The following MAPKAP1 variants were observed in gnomAD, a reference collection of about 807,000 sequenced individuals.
MAPKAP1 encodes the protein target of rapamycin complex 2 subunit MAPKAP1.
Under a neutral mutation model 65.7 loss-of-function variants are expected in MAPKAP1, and 20 were observed. The ratio of observed to expected loss-of-function variants is 0.30; its 90% CI spans 0.21 to 0.44. The LOEUF (loss-of-function observed/expected upper bound fraction) is 0.44. Among genes scored for constraint, MAPKAP1 ranks in the 20% least tolerant of loss-of-function variants. The pLI, the probability that MAPKAP1 is intolerant of heterozygous loss-of-function variation, is 1.00. For synonymous variants in MAPKAP1, 222 were observed against 244.3 expected (o/e 0.91, Z 0.85); for missense variants, 423 against 648.0 (o/e 0.65, Z 3.77).
chr9:125,449,338 G>A (rs1029387261), intron 10 of MAPKAP1, among the ~76,000 whole-genome samples: 3 of 152,112 alleles, frequency 2.0e-5, no homozygotes, highest in African/African-American at 7.2e-5. Flanking sequence ...ATAGCAGGGA[G>A]GTGGTCATTC....
chr9:125,493,702 G>A (rs118026101), intron 8 of MAPKAP1, among the ~76,000 whole-genome samples: 14 of 152,304 alleles, frequency 9.2e-5, no homozygotes, highest in Non-Finnish European at 1.5e-4. Flanking sequence ...CAACTGTGAC[G>A]GTGGCTAACA....
intron 1 of MAPKAP1, among the ~76,000 whole-genome samples, chr9:125,700,605 C>A (rs1005117146): frequency 6.6e-6 from 1 of 152,118 alleles, no homozygotes; most frequent in African/African-American, 2.4e-5. Context: ...AAACTGTATT[C>A]TACTTTCAGT....
intron 2 of MAPKAP1, 64 bp from the exon 3 acceptor site, chr9:125,669,971 T>G: frequency 1.1e-6 from 1 of 898,960 alleles, no homozygotes; most frequent in African/African-American, 1.7e-5. Context: ...AAAGACATAA[T>G]TAACTACCTT....
intron 1 of MAPKAP1, among the ~76,000 whole-genome samples, chr9:125,693,436 T>A (rs561348793): frequency 6.7e-6 from 1 of 148,254 alleles, no homozygotes; most frequent in East Asian, 2.0e-4. Flanking sequence ...AATATATATA[T>A]ATATATACAC....
At chr9:125,454,437 G>A (rs1450054490) in intron 10 of MAPKAP1, among the ~76,000 whole-genome samples, 1 of 152,180 alleles carries the variant, frequency 6.6e-6, no homozygotes, top group Non-Finnish European at 1.5e-5. Context: ...TCACTGGAGT[G>A]GAGAGCTAGG....
Position 125,672,368 on chromosome 9 carries a change from T to G in MAPKAP1, c.207A>C (p.Ser69=). 6.2e-7 allele frequency: 1 copy of G among 1,614,226 alleles called. No individual in the cohort carries two copies. ...GETQGYVYAQ[S]VDITSSWDFG... is the part of the protein sequence containing the mutation. Reference sequence around the variant, plus strand: ...AGTCCCAACTTGAGGTAATATCGACTGACTGGGCATATACATAGCCCTGAG... The same window carrying G: ...AGTCCCAACTTGAGGTAATATCGACGGACTGGGCATATACATAGCCCTGAG... Residue 69 remains serine (S), a synonymous_variant, in exon 2 of 12, where the codon TCA becomes TCC. Transcript: ENST00000265960.
At chr9:125,691,261 A>AAAAACAAAAC (rs370495455) in intron 1 of MAPKAP1, among the ~76,000 whole-genome samples, 14 of 152,128 alleles carry the variant, frequency 9.2e-5, no homozygotes, top group African/African-American at 2.9e-4. Context: ...ACTCCGTCTC[A>AAAAACAAAAC]AAAACAAAAC....
chr9:125,451,212 T>A (rs1286449554), intron 10 of MAPKAP1: 3 of 152,256 alleles, frequency 2.0e-5, no homozygotes, highest in Admixed American at 1.3e-4. Flanking sequence ...CACTATGCCC[T>A]CAATGTCGAG....
chr9:125,665,967 C>T (rs1834329132), intron 3 of MAPKAP1, among the ~76,000 whole-genome samples: 1 of 152,086 alleles, frequency 6.6e-6, no homozygotes, highest in Admixed American at 6.5e-5. Flanking sequence ...TGTAGTCCTC[C>T]TAGAGCTCAG....
intron 8 of MAPKAP1, among the ~76,000 whole-genome samples, chr9:125,503,719 TC>T (rs1829050717): frequency 6.6e-6 from 1 of 151,852 alleles, no homozygotes; most frequent in Non-Finnish European, 1.5e-5. Context: ...CTTTTTTCTT[TC>T]TTTCTTTTTT....
At chr9:125,591,482 A>C (rs1451290954) in intron 4 of MAPKAP1, among the ~76,000 whole-genome samples, 1 of 150,836 alleles carries the variant, frequency 6.6e-6, no homozygotes, top group Non-Finnish European at 1.5e-5. Context: ...TACTCTAAAG[A>C]GTACAGTACT....
intron 1 of MAPKAP1, among the ~76,000 whole-genome samples, chr9:125,683,625 A>C (rs934296905): frequency 6.6e-6 from 1 of 152,210 alleles, no homozygotes; most frequent in South Asian, 2.1e-4. Context: ...ATCTTTCCCT[A>C]GTGAGCCTCC....
intron 10 of MAPKAP1, among the ~76,000 whole-genome samples, chr9:125,461,879 G>T (rs905916697): frequency 6.6e-6 from 1 of 152,162 alleles, no homozygotes; most frequent in Non-Finnish European, 1.5e-5. Flanking sequence ...AGTTATACTG[G>T]AGTATAACTG....
At chr9:125,693,814 C>T (rs1260618423) in intron 1 of MAPKAP1, among the ~76,000 whole-genome samples, 1 of 140,444 alleles carries the variant, frequency 7.1e-6, no homozygotes, top group African/African-American at 2.7e-5. Flanking sequence ...TATACACACA[C>T]ATATACACAC....
intron 1 of MAPKAP1, among the ~76,000 whole-genome samples, chr9:125,692,569 T>C (rs975277730): frequency 6.6e-6 from 1 of 152,206 alleles, no homozygotes; most frequent in Non-Finnish European, 1.5e-5. Context: ...AATTAGTTAA[T>C]AGTGACAGTT....
At chr9:125,521,848 A>C in intron 7 of MAPKAP1, 1 of 1,301,906 alleles carries the variant, frequency 7.7e-7, no homozygotes, top group Non-Finnish European at 1.1e-6. Context: ...TGGTGACTCC[A>C]ACCTGAGTCA....
At position 125,439,302 on chromosome 9, in the gene MAPKAP1, G is replaced by A. The variant is rs945253605; in HGVS notation, c.1444-290C>T. 2.6e-5 allele frequency among the ~76,000 whole-genome samples: 4 copies of A among 152,266 alleles called. No individual in the cohort carries two copies. The highest frequency in any genetic ancestry group is 7.2e-5 in the African/African-American group (3 of 41,478). ...CGGAGCCCATGCTCCCTCCTGGCGT[G>A]AGCCACTCCCGGAAGGCTGTGCCCT... On this transcript the variant is annotated intron_variant, in intron 11 of 11. Coordinates refer to ENST00000265960, the MANE Select transcript of MAPKAP1 (RefSeq NM_001006617.3). The surrounding 1 kb of genome is among the most constrained non-coding windows in gnomAD (Gnocchi z 4.0).
intron 4 of MAPKAP1, among the ~76,000 whole-genome samples, chr9:125,646,121 A>G (rs1833719431): frequency 1.3e-5 from 2 of 152,336 alleles, no homozygotes; most frequent in Admixed American, 6.5e-5. Context: ...CTTCATGAAT[A>G]TTAAAGAAAT....
chr9:125,628,540 G>A (rs1388388425), intron 4 of MAPKAP1, among the ~76,000 whole-genome samples: 1 of 152,102 alleles, frequency 6.6e-6, no homozygotes, highest in East Asian at 1.9e-4. Flanking sequence ...GAACGAAGGT[G>A]AATCCTTACA....
Sources: allele counts gnomAD v4.1 joint callset (sites outside exome capture counted in the v4.1 genomes callset), GRCh38; gene constraint gnomAD v4.1.1; non-coding constraint Gnocchi (gnomAD v3.1); transcripts MANE v1.5; gene names NCBI Gene and HGNC (gene_info 2026-07-23, HGNC 2026-07-21).